Variants in SNX29 observed in about 807,000 individuals in gnomAD.
The protein encoded by SNX29 is sorting nexin 29.
A neutral mutation model predicts 102.1 loss-of-function variants in SNX29; 78 were observed. The observed-to-expected ratio is 0.76, with a 90% CI of 0.64 to 0.92. The LOEUF is 0.92. SNX29 is among the 40% of genes least tolerant of loss of function. The probability of loss-of-function intolerance (pLI) is 0.00; values close to 1 mark genes in which losing one functional copy is unlikely to be tolerated. For synonymous variants in SNX29, 580 were observed against 414.5 expected, an observed-to-expected ratio of 1.40 and a Z score of -4.85; for missense variants, 1,280 against 1,061.7, an observed-to-expected ratio of 1.21 and a Z score of -2.86.
chr16:12,371,298 C>G (rs921720365), intron 16 of SNX29, among the ~76,000 whole-genome samples: 10 of 151,208 alleles, frequency 6.6e-5, no homozygotes, highest in African/African-American at 2.2e-4. Flanking sequence ...TCTTTCCTTC[C>G]TTTCCTCTTT....
At chr16:12,217,143 C>G (rs1596533951) in intron 14 of SNX29, among the ~76,000 whole-genome samples, 1 of 152,210 alleles carries the variant, frequency 6.6e-6, no homozygotes. Context: ...ATTCTCCCAT[C>G]TCAGCCTCTG....
chr16:12,055,985 G>A (rs1423737945), intron 8 of SNX29, among the ~76,000 whole-genome samples: 4 of 152,066 alleles, frequency 2.6e-5, no homozygotes, highest in Admixed American at 6.6e-5. Context: ...AGGTTTAAGC[G>A]ATTCTCCTGC....
intron 20 of SNX29, among the ~76,000 whole-genome samples, chr16:12,534,628 C>G (rs1039409714): frequency 6.6e-6 from 1 of 152,202 alleles, no homozygotes; most frequent in Non-Finnish European, 1.5e-5. Context: ...AAATTCCATT[C>G]ATGGGTAAAA....
At chr16:12,530,744 C>G (rs548066692) in intron 20 of SNX29, among the ~76,000 whole-genome samples, 66 of 152,142 alleles carry the variant, frequency 4.3e-4, no homozygotes, top group African/African-American at 1.5e-3. Context: ...TTAGTAGAGA[C>G]GGGGTTTCTT....
At chr16:12,335,799 A>T (rs535587914) in intron 15 of SNX29, among the ~76,000 whole-genome samples, 2 of 152,210 alleles carry the variant, frequency 1.3e-5, no homozygotes, top group Non-Finnish European at 2.9e-5. Context: ...TTTTCACAAT[A>T]ACTCAGTGAA....
intron 19 of SNX29, among the ~76,000 whole-genome samples, chr16:12,496,477 C>G (rs551207431): frequency 2.0e-5 from 3 of 149,784 alleles, no homozygotes; most frequent in Non-Finnish European, 4.4e-5. Flanking sequence ...CCAGCCTGCC[C>G]TGCTTCTCAC....
intron 17 of SNX29, 97 bp downstream of exon 17, chr16:12,398,598 T>C: frequency 7.3e-7 from 1 of 1,368,436 alleles, no homozygotes; most frequent in East Asian, 2.3e-5. Context: ...CAGAAATCAC[T>C]GTTGAGACCC....
chr16:12,515,885 GGTGC>G (rs1304159276), intron 19 of SNX29, among the ~76,000 whole-genome samples: 1 of 152,000 alleles, frequency 6.6e-6, no homozygotes, highest in Non-Finnish European at 1.5e-5. Flanking sequence ...GTAACTCGAT[GGTGC>G]ACCACGAGTT....
intron 20 of SNX29, among the ~76,000 whole-genome samples, chr16:12,539,237 A>T (rs1187529931): frequency 1.3e-5 from 2 of 152,040 alleles, no homozygotes; most frequent in Non-Finnish European, 2.9e-5. Context: ...CAGTTCCTTC[A>T]CCCTAAAAAG....
chr16:12,564,717 G>C (rs576034534), intron 20 of SNX29, among the ~76,000 whole-genome samples: 5 of 152,090 alleles, frequency 3.3e-5, no homozygotes, highest in African/African-American at 1.2e-4. Context: ...AGCCCACTTT[G>C]TTATAAAAAT....
At chr16:12,029,448 G>A (rs867198604) in intron 4 of SNX29, among the ~76,000 whole-genome samples, 86 of 152,126 alleles carry the variant, frequency 5.7e-4, no homozygotes, top group African/African-American at 2.0e-3. Flanking sequence ...TTGGCTTGCT[G>A]TCTTTGTAGC....
At chr16:12,061,745 G>T in intron 9 of SNX29, 99 bp downstream of exon 9, 1 of 985,278 alleles carries the variant, frequency 1.0e-6, no homozygotes, top group Non-Finnish European at 1.5e-6. Context: ...AATGGGAGCC[G>T]GGAGGCACGG....
At chr16:12,417,114 C>G (rs2084668112) in intron 18 of SNX29, among the ~76,000 whole-genome samples, 1 of 152,240 alleles carries the variant, frequency 6.6e-6, no homozygotes. Flanking sequence ...TTCTTGGGAG[C>G]CTACCATTCC....
intron 11 of SNX29, among the ~76,000 whole-genome samples, chr16:12,122,084 G>C (rs1465401358): frequency 6.6e-6 from 1 of 152,178 alleles, no homozygotes; most frequent in Non-Finnish European, 1.5e-5. Flanking sequence ...CCAAAGTGCT[G>C]GCATCACAGG....
At chr16:12,433,222 GAGAAA>G (rs2085386884) in intron 18 of SNX29, among the ~76,000 whole-genome samples, 1 of 152,210 alleles carries the variant, frequency 6.6e-6, no homozygotes, top group East Asian at 1.9e-4. Flanking sequence ...CTTGAAAACA[GAGAAA>G]AGAAATGTCT....
intron 13 of SNX29, among the ~76,000 whole-genome samples, chr16:12,177,652 T>TCACC (rs2076290612): frequency 6.6e-6 from 1 of 152,268 alleles, no homozygotes; most frequent in Non-Finnish European, 1.5e-5. Flanking sequence ...CTCTTACAAT[T>TCACC]CACCCACCCA....
At chr16:12,518,207 C>T (rs2089949174) in intron 19 of SNX29, among the ~76,000 whole-genome samples, 1 of 152,126 alleles carries the variant, frequency 6.6e-6, no homozygotes, top group Non-Finnish European at 1.5e-5. Context: ...CCCTACTGTC[C>T]CCCAGCATTG....
chr16:12,105,871 G>C (rs1211050673), intron 11 of SNX29, among the ~76,000 whole-genome samples: 2 of 152,120 alleles, frequency 1.3e-5, no homozygotes, highest in African/African-American at 2.4e-5. Context: ...GTGAATGAGT[G>C]GAGAAGTTGG....
intron 11 of SNX29, among the ~76,000 whole-genome samples, chr16:12,083,679 G>A (rs1467052095): frequency 1.3e-5 from 2 of 152,128 alleles, no homozygotes; most frequent in African/African-American, 2.4e-5. Flanking sequence ...CGCAAATGCC[G>A]TCCCAGTTCA....
Sources: allele counts gnomAD v4.1 joint callset (sites outside exome capture counted in the v4.1 genomes callset), GRCh38; gene constraint gnomAD v4.1.1; transcripts MANE v1.5; gene names NCBI Gene and HGNC (gene_info 2026-07-23, HGNC 2026-07-21).